Variants in NIPA1 observed in about 807,000 individuals in gnomAD.
NIPA1 encodes magnesium transporter NIPA1.
NIPA1 carries 13 observed loss-of-function variants against 23.9 expected under a neutral mutation model. The ratio of observed to expected loss-of-function variants is 0.54; its 90% CI spans 0.35 to 0.87. NIPA1 has a LOEUF of 0.87. NIPA1 is among the 40% of genes least tolerant of loss of function. The pLI is 0.01. For synonymous variants in NIPA1, 234 were observed against 202.9 expected (o/e 1.15, Z -1.30); for missense variants, 362 against 429.7 (o/e 0.84, Z 1.39).
At position 22,809,637 on chromosome 15, in the gene NIPA1, C is replaced by T. The variant is rs954176636; in HGVS notation, c.179-1112C>T. On this transcript the variant is annotated intron_variant, in intron 1 of 4. Coordinates refer to ENST00000337435, the MANE Select transcript of NIPA1 (RefSeq NM_144599.5). Reference sequence around the variant, plus strand: ...GCATGCTCCTGTAGTCTCAGCTACTCGGGAGGCTGAGACGGGAGAATTGTT... The same window carrying T: ...GCATGCTCCTGTAGTCTCAGCTACTTGGGAGGCTGAGACGGGAGAATTGTT... Among the ~76,000 whole-genome samples, 8 of 151,036 alleles carry T rather than the reference C, an allele frequency of 5.3e-5. No homozygotes were observed. The East Asian group carries it at 5.9e-4, about 11-fold the overall frequency.
rs918067865 is a variant in NIPA1, at chr15:22,825,757, C to T, written c.*1518C>T. 6.6e-6 allele frequency: 1 copy of T among 152,572 alleles called. No homozygotes were observed. The highest frequency in any genetic ancestry group is 2.1e-4 in the South Asian group (1 of 4,832). 9.5% of individuals were successfully genotyped at this position (152,572 alleles called of 1,614,324 possible). ...AAAAGCCAATAAATGTAGCCATCTC[C>T]TTGTTGTTTGCAATGGCAGAGCATC... is the stretch of plus-strand genomic sequence containing the variant. On this transcript the variant is annotated 3_prime_UTR_variant, in exon 5 of 5. Transcript: ENST00000337435.
At chr15:22,820,228 GT>G (rs1163886098) in intron 3 of NIPA1, 84 bp from the exon 4 acceptor site, 1 of 1,010,612 alleles carries the variant, frequency 9.9e-7, no homozygotes, top group Non-Finnish European at 1.5e-6. Context: ...AAAGAAAATG[GT>G]TTTTCTAGAT....
In NIPA1 at chr15:22,811,087, C is replaced by T. The variant is rs941286031; in HGVS notation, c.226+291C>T. On this transcript the variant is annotated intron_variant, in intron 2 of 4. Coordinates refer to ENST00000337435, the MANE Select transcript of NIPA1 (RefSeq NM_144599.5). ...TGAATTCAGTCCAGGCTGATCTGTC[C>T]TGGGCCCGAAGAAATTAAAACAGCT... 4 of 434,674 alleles carry T rather than the reference C, an allele frequency of 9.2e-6. No individual in the cohort carries two copies. In the Admixed American group the frequency reaches 1.1e-4, roughly 12 times the overall value. The allele number at this position is 434,674 out of a possible 1,614,324, so 26.9% of individuals were successfully genotyped here. A position where few individuals can be genotyped will look rare whatever the true frequency, so the allele number is the denominator to read the frequency against.
intron 1 of NIPA1, among the ~76,000 whole-genome samples, chr15:22,791,642 C>A (rs1022107611): frequency 6.6e-6 from 1 of 152,002 alleles, no homozygotes; most frequent in Non-Finnish European, 1.5e-5. Flanking sequence ...CGCCACCACA[C>A]CTGGCTAATT....
Position 22,810,771 on chromosome 15 carries a change from T to G in NIPA1, c.201T>G (p.Ile67Met). ...TAGGTACTTCCTATTTAACAGACAT[T>G]GTGTGGTGGGCTGGCACAATCGCAA... Reference protein sequence around the residue: ...KRRGTSYLTDIVWWAGTIAMA... With the variant: ...KRRGTSYLTDMVWWAGTIAMA... Residue 67 changes from isoleucine (I) to methionine (M), a missense_variant, in exon 2 of 5, where the codon ATT becomes ATG. Around this residue, in one of 2 missense-constraint regions of NIPA1, gnomAD observed 277 missense variants for 372.0 expected, o/e 0.74. Transcript: ENST00000337435. The G allele has an allele frequency of 1.2e-6, 2 of 1,611,028 alleles. No individual in the cohort carries two copies. Among genetic ancestry groups the G allele is most frequent in the Non-Finnish European group, 1.7e-6 (2 of 1,177,124 alleles).
At chr15:22,823,670 C>T (rs1895589200) in intron 4 of NIPA1, 58 bp from the exon 5 acceptor site, 7 of 1,541,756 alleles carry the variant, frequency 4.5e-6, no homozygotes, top group Admixed American at 3.8e-5. Context: ...CAGTCCACCT[C>T]CTGGGTTGCG....
chr15:22,803,760 G>A (rs138340649), intron 1 of NIPA1, among the ~76,000 whole-genome samples: 1 of 138,502 alleles, frequency 7.2e-6, no homozygotes, highest in Non-Finnish European at 1.5e-5. Flanking sequence ...GCTCACTGCA[G>A]ACTCTGCCTC....
At position 22,794,245 on chromosome 15, in the gene NIPA1, A is replaced by C. The variant is rs117323059; in HGVS notation, c.178+7411A>C. Among the ~76,000 whole-genome samples, 767 of 150,876 alleles carry C rather than the reference A, an allele frequency of 5.1e-3. 5 individuals carry two copies. The highest frequency in any genetic ancestry group is 6.7e-3 in the Non-Finnish European group (454 of 67,822). ...TGGAGGACATTGTGCTGAGCGAAACAAGCCAATCACAAATGACAAAGCCGG... is the reference window on the plus strand; with the variant it reads ...TGGAGGACATTGTGCTGAGCGAAACCAGCCAATCACAAATGACAAAGCCGG... On this transcript the variant is annotated intron_variant, in intron 1 of 4. Coordinates refer to ENST00000337435, the MANE Select transcript of NIPA1 (RefSeq NM_144599.5).
At position 22,826,566 on chromosome 15, in the gene NIPA1, A is replaced by G. The variant is rs1895657915; in HGVS notation, c.*2327A>G. ...TGAAAATGATCATGTTTGTGTTGCT[A>G]CAGCTTTTGTGGGAAATTTAGTTTA... On this transcript the variant is annotated 3_prime_UTR_variant, in exon 5 of 5. Coordinates refer to ENST00000337435, the MANE Select transcript of NIPA1 (RefSeq NM_144599.5). The G allele has an allele frequency of 6.6e-6, 1 of 152,202 alleles. No homozygotes were observed. The highest frequency in any genetic ancestry group is 1.5e-5 in the Non-Finnish European group (1 of 68,028). 9.4% of individuals were successfully genotyped at this position (152,202 alleles called of 1,614,324 possible).
intron 1 of NIPA1, among the ~76,000 whole-genome samples, chr15:22,800,115 T>C (rs1372889894): frequency 1.3e-5 from 2 of 151,924 alleles, no homozygotes; most frequent in Non-Finnish European, 2.9e-5. Context: ...ACCCCAGCAT[T>C]GCACAATATA....
chr15:22,823,152 C>G (rs887601142), intron 4 of NIPA1, among the ~76,000 whole-genome samples: 2 of 151,034 alleles, frequency 1.3e-5, no homozygotes, highest in South Asian at 2.1e-4. Flanking sequence ...ATCTCCTGAT[C>G]GGCCCACCTC....
chr15:22,806,952 G>A (rs1282635089), intron 1 of NIPA1, among the ~76,000 whole-genome samples: 1 of 152,130 alleles, frequency 6.6e-6, no homozygotes, highest in East Asian at 1.9e-4. Context: ...AGGGGTATGG[G>A]ACAGGTACCT....
intron 3 of NIPA1, among the ~76,000 whole-genome samples, chr15:22,812,581 G>T (rs1490243273): frequency 6.6e-6 from 1 of 151,780 alleles, no homozygotes; most frequent in Non-Finnish European, 1.5e-5. Flanking sequence ...TGAACCTGGG[G>T]GGCAGAGGTT....
intron 2 of NIPA1, among the ~76,000 whole-genome samples, chr15:22,811,869 A>T (rs1895324025): frequency 6.6e-6 from 1 of 152,152 alleles, no homozygotes; most frequent in Non-Finnish European, 1.5e-5. Flanking sequence ...GAAAACAAGG[A>T]TGTGTTAAGA....
intron 1 of NIPA1, among the ~76,000 whole-genome samples, chr15:22,799,154 A>G (rs1253517159): frequency 6.6e-6 from 1 of 152,186 alleles, no homozygotes; most frequent in Non-Finnish European, 1.5e-5. Flanking sequence ...ACTACTTACA[A>G]TAGCAGTGTC....
Position 22,821,457 on chromosome 15 carries a change from C to A in NIPA1, c.478+984C>A. Among the ~76,000 whole-genome samples the A allele has an allele frequency of 2.0e-5, 3 of 150,502 alleles. 1 individual carries two copies. The South Asian group carries it at 6.4e-4, about 32-fold the overall frequency. On this transcript the variant is annotated intron_variant, in intron 4 of 4. Transcript: ENST00000337435. ...ACTCGCTGGTTTGCATGTCCATACTCGCTGGTTTGCATGTCCACACTCCCT... is the reference window on the plus strand; with the variant it reads ...ACTCGCTGGTTTGCATGTCCATACTAGCTGGTTTGCATGTCCACACTCCCT...
chr15:22,811,968 C>T (rs1166134754), intron 2 of NIPA1, among the ~76,000 whole-genome samples, 195 bp from the exon 3 acceptor site: 3 of 152,252 alleles, frequency 2.0e-5, no homozygotes, highest in African/African-American at 7.2e-5. Flanking sequence ...ACTCACCCGA[C>T]TGATGGGACC....
chr15:22,810,685 C>A, intron 1 of NIPA1, 64 bp from the exon 2 acceptor site: 1 of 944,386 alleles, frequency 1.1e-6, no homozygotes, highest in Non-Finnish European at 1.8e-6. Context: ...GCTTGTAAAC[C>A]TCTTCCTGAT....
chr15:22,824,358 A>G lies in NIPA1; in HGVS notation c.*119A>G. On this transcript the variant is annotated 3_prime_UTR_variant, in exon 5 of 5. Coordinates refer to ENST00000337435, the MANE Select transcript of NIPA1 (RefSeq NM_144599.5). The surrounding 1 kb of genome is among the most constrained non-coding windows in gnomAD (Gnocchi z 4.1). Reference sequence around the variant, plus strand: ...GTGTTAGAATTGACTGGATAGTAACAGGTGGTCTGGTGGATAGCGGGGAGC... The same window carrying G: ...GTGTTAGAATTGACTGGATAGTAACGGGTGGTCTGGTGGATAGCGGGGAGC... 1 of 954,004 alleles carries G rather than the reference A, an allele frequency of 1.0e-6. No individual in the cohort carries two copies. 59.1% of individuals were successfully genotyped at this position (954,004 alleles called of 1,614,324 possible).
Sources: gnomAD v4.1 joint callset for allele counts (sites outside exome capture counted in the v4.1 genomes callset) on GRCh38, gnomAD v4.1.1 for gene constraint, gnomAD v4.1.1 regional missense constraint, Gnocchi (gnomAD v3.1) non-coding constraint, MANE v1.5 for transcripts, NCBI Gene and HGNC (gene_info 2026-07-23, HGNC 2026-07-21) for gene names.